KCNK9: variants seen among roughly 807,000 people sequenced by gnomAD.
The protein encoded by KCNK9 is potassium channel subfamily K member 9.
A neutral mutation model predicts 10.8 loss-of-function variants in KCNK9; 1 was observed. The observed-to-expected ratio is 0.09, with a 90% CI of 0.03 to 0.44. The LOEUF is 0.44. Ranked by LOEUF, KCNK9 falls within the 20% of genes least tolerant of loss-of-function variation. KCNK9 has a pLI of 0.97. For synonymous variants in KCNK9, 231 were observed against 222.7 expected (o/e 1.04, Z -0.33); for missense variants, 303 against 515.0 (o/e 0.59, Z 3.98).
intron 1 of KCNK9, among the ~76,000 whole-genome samples, chr8:139,627,981 T>C (rs778728003): frequency 6.6e-6 from 1 of 152,246 alleles, no homozygotes. Flanking sequence ...GCCGAAAATA[T>C]GGATTTTTAA....
chr8:139,639,599 G>A (rs1815439072), intron 1 of KCNK9, among the ~76,000 whole-genome samples: 1 of 152,240 alleles, frequency 6.6e-6, no homozygotes, highest in African/African-American at 2.4e-5. Context: ...GGGGTCTGGA[G>A]TCTGGGCTTG....
At chr8:139,635,765 C>CA (rs1244666365) in intron 1 of KCNK9, among the ~76,000 whole-genome samples, 20 of 152,146 alleles carry the variant, frequency 1.3e-4, no homozygotes, top group Admixed American at 1.3e-3. Context: ...ACAACCCCCC[C>CA]ACTCAGGAGG....
At chr8:139,645,976 G>C (rs2129658967) in intron 1 of KCNK9, among the ~76,000 whole-genome samples, 1 of 152,222 alleles carries the variant, frequency 6.6e-6, no homozygotes, top group East Asian at 1.9e-4. Flanking sequence ...CACCCATCCT[G>C]TTCTTACCCA....
intron 1 of KCNK9, among the ~76,000 whole-genome samples, chr8:139,658,793 C>T (rs568503692): frequency 5.3e-5 from 8 of 152,368 alleles, no homozygotes; most frequent in South Asian, 2.1e-4. Flanking sequence ...GTCCAGGAAG[C>T]GAGGTGGCTC....
At chr8:139,695,713 T>C (rs565071649) in intron 1 of KCNK9, among the ~76,000 whole-genome samples, 1 of 150,796 alleles carries the variant, frequency 6.6e-6, no homozygotes, top group East Asian at 2.0e-4. Flanking sequence ...TCTCTGCCCA[T>C]GGGACTCTCT....
chr8:139,635,475 G>A (rs1359116685), intron 1 of KCNK9, among the ~76,000 whole-genome samples: 1 of 152,206 alleles, frequency 6.6e-6, no homozygotes, highest in South Asian at 2.1e-4. Flanking sequence ...GGGAAGACCC[G>A]GGTCCTGGTG....
rs956973469 is a variant in KCNK9 at position 139,693,267 on chromosome 8, C to A, written c.283+9443G>T. Among the ~76,000 whole-genome samples the A allele has an allele frequency of 3.9e-5, 6 of 152,100 alleles. No individual in the cohort carries two copies. The highest frequency in any genetic ancestry group is 8.8e-5 in the Non-Finnish European group (6 of 68,024). On this transcript the variant is annotated intron_variant, in intron 1 of 1. Transcript: ENST00000520439. The surrounding 1 kb of genome is among the most constrained non-coding windows in gnomAD (Gnocchi z 4.1). ...GCCCTGCAGACTCACAGAGGCCTGGCGCCAGCAGCTGGCCTTGGGGACCAA... is the reference window on the plus strand; with the variant it reads ...GCCCTGCAGACTCACAGAGGCCTGGAGCCAGCAGCTGGCCTTGGGGACCAA...
downstream of KCNK9, among the ~76,000 whole-genome samples, chr8:139,609,875 G>T (rs1814365884): frequency 6.6e-6 from 1 of 152,170 alleles, no homozygotes; most frequent in South Asian, 2.1e-4. Context: ...GGACACTGGG[G>T]CAGGGTGGAG....
intron 1 of KCNK9, among the ~76,000 whole-genome samples, chr8:139,657,391 T>C (rs1426271974): frequency 6.6e-6 from 1 of 152,106 alleles, no homozygotes; most frequent in Non-Finnish European, 1.5e-5. Context: ...CTTCCACCCT[T>C]AGGCAGTGGG....
At chr8:139,653,031 C>A (rs931617693) in intron 1 of KCNK9, among the ~76,000 whole-genome samples, 3 of 152,158 alleles carry the variant, frequency 2.0e-5, no homozygotes, top group African/African-American at 7.2e-5. Context: ...TTGTAGGGGC[C>A]CCCCTTCTGC....
chr8:139,649,550 C>T (rs1048295919), intron 1 of KCNK9, among the ~76,000 whole-genome samples: 39 of 152,188 alleles, frequency 2.6e-4, no homozygotes, highest in African/African-American at 8.0e-4. Flanking sequence ...AGCCACATGC[C>T]TGGATGCGGT....
chr8:139,691,994 T>C (rs1325529360), intron 1 of KCNK9, among the ~76,000 whole-genome samples: 1 of 152,206 alleles, frequency 6.6e-6, no homozygotes, highest in Admixed American at 6.5e-5. Context: ...CAGGCTCAGC[T>C]GGCACACGCC....
At chr8:139,662,778 C>A (rs1382713355) in intron 1 of KCNK9, among the ~76,000 whole-genome samples, 1 of 149,290 alleles carries the variant, frequency 6.7e-6, no homozygotes, top group Non-Finnish European at 1.5e-5. Context: ...AGCAGAGAAT[C>A]AAGGAGACAC....
At chr8:139,606,540 C>T (rs1390584808) in intron 2 of KCNK9, among the ~76,000 whole-genome samples, 3 of 152,194 alleles carry the variant, frequency 2.0e-5, no homozygotes, top group African/African-American at 4.8e-5. Context: ...GAGTTTGGAA[C>T]TAATTCAAGC....
intron 1 of KCNK9, among the ~76,000 whole-genome samples, chr8:139,701,277 G>A (rs1384068923): frequency 3.3e-5 from 5 of 152,304 alleles, no homozygotes; most frequent in East Asian, 3.9e-4. Context: ...AGCTGATTAT[G>A]TAGATAACAG....
chr8:139,679,378 G>T (rs1816633747), intron 1 of KCNK9, among the ~76,000 whole-genome samples: 1 of 152,260 alleles, frequency 6.6e-6, no homozygotes, highest in Non-Finnish European at 1.5e-5. Flanking sequence ...CACAGGCCCA[G>T]GTCTGCGATG....
intron 1 of KCNK9, among the ~76,000 whole-genome samples, chr8:139,654,265 A>G (rs1421562268): frequency 2.0e-5 from 3 of 152,228 alleles, no homozygotes; most frequent in Admixed American, 6.5e-5. Flanking sequence ...AAGCTGCCAG[A>G]TCGCTGGGTG....
chr8:139,623,032 C>T (rs1009306015), intron 1 of KCNK9, among the ~76,000 whole-genome samples: 1 of 152,224 alleles, frequency 6.6e-6, no homozygotes, highest in Non-Finnish European at 1.5e-5. Flanking sequence ...GTAGAACACA[C>T]ATGACACAGG....
chr8:139,677,058 G>A (rs752749722), intron 1 of KCNK9, among the ~76,000 whole-genome samples: 5 of 152,252 alleles, frequency 3.3e-5, no homozygotes, highest in East Asian at 1.9e-4. Flanking sequence ...ATGAAAACCC[G>A]GGCTGGCCAG....
Sources: gnomAD v4.1 joint callset for allele counts (sites outside exome capture counted in the v4.1 genomes callset) on GRCh38, gnomAD v4.1.1 for gene constraint, Gnocchi (gnomAD v3.1) non-coding constraint, MANE v1.5 for transcripts, NCBI Gene and HGNC (gene_info 2026-07-23, HGNC 2026-07-21) for gene names.